The following UVRAG variants were observed in gnomAD, a reference collection of about 807,000 sequenced individuals.
UVRAG encodes UV radiation resistance-associated gene protein.
Under a neutral mutation model 78.0 loss-of-function variants are expected in UVRAG, and 19 were observed. The ratio of observed to expected loss-of-function variants is 0.24; its 90% CI spans 0.17 to 0.36. The LOEUF (loss-of-function observed/expected upper bound fraction) is 0.36, where lower values mean the gene tolerates loss of function less well. UVRAG is among the 10% of genes least tolerant of loss of function. The probability of loss-of-function intolerance (pLI) is 1.00; values close to 1 mark genes in which losing one functional copy is unlikely to be tolerated. For synonymous variants in UVRAG, 323 were observed against 324.6 expected, an observed-to-expected ratio of 1.00 and a Z score of 0.05; for missense variants, 740 against 853.8, an observed-to-expected ratio of 0.87 and a Z score of 1.66.
At chr11:75,948,148 T>C (rs1948617572) in intron 6 of UVRAG, among the ~76,000 whole-genome samples, 1 of 152,182 alleles carries the variant, frequency 6.6e-6, no homozygotes, top group Non-Finnish European at 1.5e-5. Context: ...TACATGGTGG[T>C]TTTTTTCTTT....
intron 12 of UVRAG, among the ~76,000 whole-genome samples, chr11:76,053,706 T>A (rs1397585418): frequency 6.6e-6 from 1 of 152,100 alleles, no homozygotes; most frequent in East Asian, 1.9e-4. Context: ...GCACGGTGGC[T>A]CACACCTGTA....
chr11:76,016,049 A>G (rs1273343871), intron 11 of UVRAG, among the ~76,000 whole-genome samples: 1 of 152,242 alleles, frequency 6.6e-6, no homozygotes, highest in Non-Finnish European at 1.5e-5. Flanking sequence ...CTGAATCATC[A>G]TTTATCACTT....
chr11:76,052,001 T>C (rs1788521091), intron 12 of UVRAG, among the ~76,000 whole-genome samples: 2 of 152,186 alleles, frequency 1.3e-5, no homozygotes, highest in African/African-American at 2.4e-5. Flanking sequence ...CCAGTTCTGT[T>C]GGCCTTCTTG....
chr11:76,009,348 A>C (rs1467820392), intron 11 of UVRAG, among the ~76,000 whole-genome samples: 1 of 152,188 alleles, frequency 6.6e-6, no homozygotes, highest in African/African-American at 2.4e-5. Context: ...CTTTTAACTA[A>C]AAATAAAGAA....
chr11:75,910,136 G>A (rs2093026146), intron 5 of UVRAG, among the ~76,000 whole-genome samples: 1 of 152,120 alleles, frequency 6.6e-6, no homozygotes, highest in African/African-American at 2.4e-5. Context: ...TCTTTTCAAG[G>A]AACTTGTCTA....
At chr11:75,856,337 A>G (rs1398374249) in intron 2 of UVRAG, among the ~76,000 whole-genome samples, 2 of 152,072 alleles carry the variant, frequency 1.3e-5, no homozygotes, top group African/African-American at 2.4e-5. Context: ...TTTCTTACCC[A>G]TGAAATGTAA....
At chr11:75,969,568 T>G (rs1949087218) in intron 7 of UVRAG, among the ~76,000 whole-genome samples, 1 of 152,118 alleles carries the variant, frequency 6.6e-6, no homozygotes, top group African/African-American at 2.4e-5. Flanking sequence ...TGATGTTTGG[T>G]TTGTTCAGGA....
At chr11:75,901,330 A>G (rs766434275) in intron 5 of UVRAG, among the ~76,000 whole-genome samples, 3 of 152,012 alleles carry the variant, frequency 2.0e-5, no homozygotes, top group East Asian at 1.9e-4. Context: ...GAAGACGACT[A>G]TTTTCAAAGC....
rs181547537 is a variant in UVRAG, at chr11:76,086,050, A to G, written c.1305+20262A>G. Among the ~76,000 whole-genome samples, 197 of 152,312 alleles carry G rather than the reference A, an allele frequency of 1.3e-3. 2 individuals are homozygous for G. The highest frequency in any genetic ancestry group is 2.2e-3 in the Non-Finnish European group (147 of 68,022). ...GCAAAGTTCCATTCCCTCAGTAAGCAGATAGCTGACTAACTGAAGGGAAAA... is the reference window on the plus strand; with the variant it reads ...GCAAAGTTCCATTCCCTCAGTAAGCGGATAGCTGACTAACTGAAGGGAAAA... On this transcript the variant is annotated intron_variant, in intron 13 of 14. Transcript: ENST00000356136.
chr11:75,969,462 G>A (rs971962755), intron 7 of UVRAG, among the ~76,000 whole-genome samples: 1 of 152,108 alleles, frequency 6.6e-6, no homozygotes, highest in African/African-American at 2.4e-5. Context: ...ACAGTGGGGT[G>A]GCAGGGCAAA....
intron 12 of UVRAG, among the ~76,000 whole-genome samples, chr11:76,039,409 A>G (rs1950598920): frequency 1.3e-5 from 2 of 152,256 alleles, no homozygotes; most frequent in Non-Finnish European, 2.9e-5. Flanking sequence ...CTCCACTAAA[A>G]TCAGAAGGCA....
At chr11:76,096,934 A>T (rs1205085385) in intron 13 of UVRAG, among the ~76,000 whole-genome samples, 1 of 152,096 alleles carries the variant, frequency 6.6e-6, no homozygotes, top group East Asian at 1.9e-4. Flanking sequence ...GCCTCCAGAC[A>T]TGTTGAGGCA....
intron 13 of UVRAG, among the ~76,000 whole-genome samples, chr11:76,077,928 T>C (rs1271618034): frequency 6.6e-6 from 1 of 152,238 alleles, no homozygotes; most frequent in South Asian, 2.1e-4. Context: ...CACTTTAGCC[T>C]TTTTACTTGT....
intron 5 of UVRAG, among the ~76,000 whole-genome samples, chr11:75,899,334 T>A (rs574521695): frequency 3.2e-4 from 48 of 152,304 alleles, no homozygotes; most frequent in South Asian, 1.9e-3. Flanking sequence ...ATTTCTTCCA[T>A]TTCTCTTCTC....
chr11:75,859,598 T>C (rs1227691521), intron 2 of UVRAG, among the ~76,000 whole-genome samples: 1 of 152,142 alleles, frequency 6.6e-6, no homozygotes, highest in Non-Finnish European at 1.5e-5. Flanking sequence ...GGTGTCATTC[T>C]CCTTTGAAAG....
Position 75,922,912 on chromosome 11 carries a change from G to A in UVRAG, c.593+10873G>A, listed in dbSNP as rs1442125131. Among the ~76,000 whole-genome samples, 34 of 144,094 alleles carry A rather than the reference G, an allele frequency of 2.4e-4. No individual in the cohort carries two copies. The Admixed American group carries it at 2.4e-3, about 10-fold the overall frequency. The allele number at this position is 144,094 out of a possible 152,430, so 94.5% of individuals were successfully genotyped here. Reference sequence around the variant, plus strand: ...TGCACCACTGCACCCCAGTCTGGGCGACAAGAGCGAAACTACATCTGAAAG... The same window carrying A: ...TGCACCACTGCACCCCAGTCTGGGCAACAAGAGCGAAACTACATCTGAAAG... On this transcript the variant is annotated intron_variant, in intron 6 of 14. Transcript: ENST00000356136.
rs578165505 is a variant in UVRAG at position 75,874,973 on chromosome 11, T to C, written c.271-4906T>C. On this transcript the variant is annotated intron_variant, in intron 3 of 14. Coordinates refer to ENST00000356136, the MANE Select transcript of UVRAG (RefSeq NM_003369.4). ...TGTTTGGGTGACGGTCTGCTGCTGT[T>C]CCCAAGCCCATCCACGTTTCTAGTG... 7.6e-4 allele frequency among the ~76,000 whole-genome samples: 115 copies of C among 152,304 alleles called. 2 individuals carry two copies. Among genetic ancestry groups the C allele is most frequent in the Admixed American group, 7.5e-3 (115 of 15,298 alleles).
intron 10 of UVRAG, 87 bp from the exon 11 acceptor site, chr11:76,008,720 T>A: frequency 1.5e-6 from 1 of 685,798 alleles, no homozygotes; most frequent in Non-Finnish European, 2.4e-6. Flanking sequence ...AACAGTGTTT[T>A]GAGTCAGCAC....
At chr11:75,980,630 C>T (rs1000230623) in intron 7 of UVRAG, among the ~76,000 whole-genome samples, 4 of 150,342 alleles carry the variant, frequency 2.7e-5, no homozygotes, top group Admixed American at 6.6e-5. Flanking sequence ...CCTCTTTCTT[C>T]ATATTAGTAA....
Sources: allele counts gnomAD v4.1 joint callset (sites outside exome capture counted in the v4.1 genomes callset), GRCh38; gene constraint gnomAD v4.1.1; transcripts MANE v1.5; gene names NCBI Gene and HGNC (gene_info 2026-07-23, HGNC 2026-07-21).